The following RTKN2 variants were observed in gnomAD, a reference collection of about 807,000 sequenced individuals.
RTKN2 encodes the protein rhotekin 2, also known as rhotekin-2.
RTKN2 carries 69 observed loss-of-function variants against 71.5 expected under a neutral mutation model. The ratio of observed to expected loss-of-function variants is 0.96; its 90% CI spans 0.79 to 1.18. The LOEUF (loss-of-function observed/expected upper bound fraction) is 1.18. Ranked by LOEUF, RTKN2 falls within the 50% of genes most tolerant of loss-of-function variation. RTKN2 has a pLI of 0.00. For synonymous variants in RTKN2, 236 were observed against 236.5 expected, an observed-to-expected ratio of 1.00 and a Z score of 0.02; for missense variants, 724 against 719.7, an observed-to-expected ratio of 1.01 and a Z score of -0.07.
chr10:62,212,104 TAAA>T (rs543276430), intron 9 of RTKN2, among the ~76,000 whole-genome samples: 3 of 37,430 alleles, frequency 8.0e-5, no homozygotes, highest in Admixed American at 3.0e-4. Context: ...CATCTCTACT[TAAA>T]AAAAAAATAT....
intron 6 of RTKN2, among the ~76,000 whole-genome samples, 183 bp from the exon 7 acceptor site, chr10:62,223,515 C>T (rs926979121): frequency 6.6e-6 from 1 of 151,936 alleles, no homozygotes; most frequent in Non-Finnish European, 1.5e-5. Context: ...TACATTTCTC[C>T]AAAGAGAGAA....
intron 2 of RTKN2, among the ~76,000 whole-genome samples, chr10:62,254,755 G>C (rs1184122060): frequency 6.6e-6 from 1 of 152,058 alleles, no homozygotes; most frequent in African/African-American, 2.4e-5. Context: ...GCCTGGGCAA[G>C]ATAGCAAGAC....
At chr10:62,232,009 G>C (rs1842159294) in intron 6 of RTKN2, among the ~76,000 whole-genome samples, 1 of 152,198 alleles carries the variant, frequency 6.6e-6, no homozygotes, top group African/African-American at 2.4e-5. Flanking sequence ...AGTGTCAACA[G>C]AATGCTGGTA....
At chr10:62,186,726 G>T (rs563978353) in intron 8 of RTKN2, among the ~76,000 whole-genome samples, 2 of 150,858 alleles carry the variant, frequency 1.3e-5, no homozygotes, top group South Asian at 2.1e-4. Flanking sequence ...TTATTTTACT[G>T]CTGGTTACTG....
Position 62,197,928 on chromosome 10 carries a change from A to G in RTKN2, c.1810T>C (p.Trp604Arg), listed in dbSNP as rs1237238329. Residue 604 changes from tryptophan (W) to arginine (R), a missense_variant, in exon 12 of 12, where the codon TGG becomes CGG. By Grantham distance (101) the Trp-to-Arg change is moderately radical. Transcript: ENST00000373789. ...SIKDILDPRS[W>R]LQAQV ...GTTTTCTATACTTGTGCCTGCAGCC[A>G]TGATCTAGGGTCCAGAATGTCTTTG... The G allele has an allele frequency of 6.2e-7, 1 of 1,612,774 alleles. No homozygotes were observed. Among genetic ancestry groups the G allele is most frequent in the Admixed American group, 1.7e-5 (1 of 59,792 alleles).
intron 3 of RTKN2, among the ~76,000 whole-genome samples, chr10:62,245,779 A>G (rs1842467133): frequency 6.6e-6 from 1 of 151,834 alleles, no homozygotes; most frequent in Admixed American, 6.6e-5. Context: ...CACTAGGGAG[A>G]AAACTGTAGA....
chr10:62,200,390 A>G (rs1382224765), intron 10 of RTKN2, among the ~76,000 whole-genome samples: 2 of 151,390 alleles, frequency 1.3e-5, no homozygotes, highest in African/African-American at 2.4e-5. Context: ...AAAAAAAGAA[A>G]AAAGAAAAAG....
chr10:62,248,521 A>G (rs960299130), intron 2 of RTKN2, among the ~76,000 whole-genome samples: 1 of 152,166 alleles, frequency 6.6e-6, no homozygotes, highest in Non-Finnish European at 1.5e-5. Context: ...GAAATAGCAA[A>G]TAACCACAAA....
intron 2 of RTKN2, among the ~76,000 whole-genome samples, chr10:62,261,000 T>C (rs1564531253): frequency 6.6e-6 from 1 of 152,164 alleles, no homozygotes; most frequent in Non-Finnish European, 1.5e-5. Flanking sequence ...TACTCCACTA[T>C]TCTAAACTTC....
chr10:62,199,912 T>C (rs768567898), intron 10 of RTKN2, 51 bp from the exon 11 acceptor site: 5 of 1,176,634 alleles, frequency 4.2e-6, no homozygotes, highest in South Asian at 1.3e-5. Flanking sequence ...AATGTGAAGA[T>C]ATATATTTCA....
chr10:62,229,554 A>C (rs1842105351), intron 6 of RTKN2, among the ~76,000 whole-genome samples: 1 of 152,228 alleles, frequency 6.6e-6, no homozygotes. Context: ...CTGACACTGT[A>C]ATTTATTCTT....
intron 2 of RTKN2, chr10:62,259,350 T>C (rs989252948): frequency 1.5e-5 from 4 of 267,920 alleles, no homozygotes; most frequent in Non-Finnish European, 3.1e-5. Flanking sequence ...CCATTTTTAA[T>C]GTGATATTTG....
chr10:62,225,489 T>C (rs1027922079), intron 6 of RTKN2, among the ~76,000 whole-genome samples: 4 of 152,254 alleles, frequency 2.6e-5, no homozygotes, highest in Non-Finnish European at 5.9e-5. Context: ...AGCACATTAC[T>C]GATTCAAATC....
chr10:62,236,201 G>T lies in RTKN2; in HGVS notation c.551C>A (p.Ser184Tyr), dbSNP rs765376162. ...CTTTTTTGGTGTGTTGGTTATAGAA[G>T]ATTCTTCTGTACAGCAACTATACAC... ...VEVYSCCTEESSITNTPKKLA... is the reference protein window; with the variant it reads ...VEVYSCCTEEYSITNTPKKLA... Residue 184 changes from serine (S) to tyrosine (Y), a missense_variant, in exon 6 of 12, where the codon TCT (serine) becomes TAT (tyrosine). Coordinates refer to ENST00000373789, the MANE Select transcript of RTKN2 (RefSeq NM_145307.4). 56 of 1,611,850 alleles carry T rather than the reference G, an allele frequency of 3.5e-5. No individual in the cohort carries two copies. The highest frequency in any genetic ancestry group is 8.5e-7 in the Non-Finnish European group (1 of 1,178,604).
Position 62,239,724 on chromosome 10 carries a change from C to G in RTKN2, c.412G>C (p.Ala138Pro). 6.3e-7 allele frequency: 1 copy of G among 1,594,390 alleles called. No homozygotes were observed. Among genetic ancestry groups the G allele is most frequent in the Non-Finnish European group, 8.6e-7 (1 of 1,169,048 alleles). The change falls in exon 5 of 12, where the codon GCT (alanine) becomes CCT (proline). Residue 138 changes from alanine to proline, a missense_variant. Physicochemically the swap from Ala to Pro is conservative, Grantham distance 27. Coordinates refer to ENST00000373789, the MANE Select transcript of RTKN2 (RefSeq NM_145307.4). Reference sequence around the variant, plus strand: ...ACCACATCAGTATCAAACACATTAGCTCCCATTTTGAATAAACAAAAAATG... The same window carrying G: ...ACCACATCAGTATCAAACACATTAGGTCCCATTTTGAATAAACAAAAAATG... ...YAIFCLFKMGANVFDTDVVNV... is the reference protein window; with the variant it reads ...YAIFCLFKMGPNVFDTDVVNV...
At position 62,262,705 on chromosome 10, in the gene RTKN2, C is replaced by T. The variant is rs771875714; in HGVS notation, c.177G>A (p.Met59Ile). 7.4e-6 allele frequency: 12 copies of T among 1,613,598 alleles called. No individual in the cohort carries two copies. The highest frequency in any genetic ancestry group is 9.3e-6 in the Non-Finnish European group (11 of 1,179,620). The stretch of plus-strand genomic sequence containing the variant: ...AGGCCATTAGTCGAGCATTGCACAC[C>T]ATGAGATTCTTAACTGCATGTAAAA... The part of the protein sequence containing the change: ...DQVLHAVKNL[M>I]VCNARLMAYT... Residue 59 changes from methionine (M) to isoleucine (I), a missense_variant, in exon 2 of 12, where the codon ATG becomes ATA. By Grantham distance (10) the Met-to-Ile change is conservative (BLOSUM62 1). Coordinates refer to ENST00000373789, the MANE Select transcript of RTKN2 (RefSeq NM_145307.4).
At chr10:62,252,481 C>T (rs1045489121) in intron 2 of RTKN2, among the ~76,000 whole-genome samples, 12 of 151,890 alleles carry the variant, frequency 7.9e-5, no homozygotes, top group South Asian at 2.1e-4. Flanking sequence ...GAAAGTACAA[C>T]GGAAGAACAA....
intron 9 of RTKN2, among the ~76,000 whole-genome samples, chr10:62,213,132 A>C (rs946354508): frequency 1.3e-5 from 2 of 152,236 alleles, no homozygotes; most frequent in Non-Finnish European, 2.9e-5. Context: ...TAGTATGAGA[A>C]AATCACCCAG....
At chr10:62,263,216 C>A (rs1486974963) in intron 1 of RTKN2, among the ~76,000 whole-genome samples, 4 of 152,154 alleles carry the variant, frequency 2.6e-5, no homozygotes, top group Admixed American at 2.6e-4. Flanking sequence ...GGTCCTAAAT[C>A]TAATGACTAG....
Sources: allele counts gnomAD v4.1 joint callset (sites outside exome capture counted in the v4.1 genomes callset), GRCh38; gene constraint gnomAD v4.1.1; transcripts MANE v1.5; gene names NCBI Gene and HGNC (gene_info 2026-07-23, HGNC 2026-07-21).